The following DNER variants were observed in gnomAD, a reference collection of about 807,000 sequenced individuals.
DNER encodes delta and Notch-like epidermal growth factor-related receptor.
DNER carries 33 observed loss-of-function variants against 78.2 expected under a neutral mutation model. The observed-to-expected ratio is 0.42, with a 90% CI of 0.32 to 0.56. The LOEUF (loss-of-function observed/expected upper bound fraction) is 0.56. Among genes scored for constraint, DNER ranks in the 20% least tolerant of loss-of-function variants. The probability of loss-of-function intolerance (pLI) is 0.11; values close to 1 mark genes in which losing one functional copy is unlikely to be tolerated. For synonymous variants in DNER, 417 were observed against 384.8 expected (o/e 1.08, Z -0.98); for missense variants, 918 against 975.3 (o/e 0.94, Z 0.78).
At chr2:229,404,400 A>T (rs888336340) in intron 10 of DNER, among the ~76,000 whole-genome samples, 2 of 146,266 alleles carry the variant, frequency 1.4e-5, no homozygotes, top group African/African-American at 2.6e-5. Flanking sequence ...CCAGCTACTT[A>T]TAAAACCATC....
intron 5 of DNER, among the ~76,000 whole-genome samples, chr2:229,532,117 T>A (rs1266681507): frequency 6.6e-6 from 1 of 152,202 alleles, no homozygotes; most frequent in East Asian, 1.9e-4. Flanking sequence ...TTAATGCCAT[T>A]GAATAGTTCA....
intron 1 of DNER, among the ~76,000 whole-genome samples, chr2:229,649,648 A>G (rs1398575802): frequency 6.6e-6 from 1 of 152,240 alleles, no homozygotes; most frequent in Non-Finnish European, 1.5e-5. Flanking sequence ...CAATTGAGAT[A>G]CAAGGAGGGT....
intron 5 of DNER, among the ~76,000 whole-genome samples, chr2:229,522,596 CTG>C (rs1162708729): frequency 1.3e-5 from 2 of 152,082 alleles, no homozygotes; most frequent in African/African-American, 4.8e-5. Flanking sequence ...TAGTTATTTC[CTG>C]TGTTATGCCA....
chr2:229,540,910 G>A (rs897228955), intron 5 of DNER, among the ~76,000 whole-genome samples: 5 of 152,236 alleles, frequency 3.3e-5, no homozygotes, highest in African/African-American at 1.2e-4. Flanking sequence ...GGTTTCTAGG[G>A]AGTCTTCTCA....
intron 1 of DNER, among the ~76,000 whole-genome samples, chr2:229,628,394 G>A (rs879455231): frequency 6.6e-6 from 1 of 152,112 alleles, no homozygotes; most frequent in Admixed American, 6.5e-5. Context: ...AAATAAAATG[G>A]CAGTTTCAGA....
chr2:229,439,225 T>C (rs1207535017), intron 8 of DNER, among the ~76,000 whole-genome samples: 1 of 152,226 alleles, frequency 6.6e-6, no homozygotes, highest in Non-Finnish European at 1.5e-5. Context: ...ATGCCCACTA[T>C]GGCCATTTCA....
chr2:229,418,211 A>G lies in DNER; in HGVS notation c.1506T>C (p.Cys502=), dbSNP rs2106349159. The change falls in exon 9 of 13, where the codon TGT becomes TGC. Residue 502 remains cysteine (C), a synonymous_variant. Transcript: ENST00000341772. ...LCDPGYHGLY[C]EEEYNECLSA... ...AGAGGCACTCATTATATTCCTCCTC[A>G]CAGTAGAGGCCATGGTAACCTGAGG... The G allele has an allele frequency of 1.2e-6, 2 of 1,614,000 alleles. No homozygotes were observed. The highest frequency in any genetic ancestry group is 4.5e-5 in the East Asian group (2 of 44,856).
At chr2:229,362,759 C>G (rs762926004) in intron 12 of DNER, among the ~76,000 whole-genome samples, 1 of 152,158 alleles carries the variant, frequency 6.6e-6, no homozygotes, top group Non-Finnish European at 1.5e-5. Flanking sequence ...ATGACAGCAC[C>G]AGTAATATCA....
intron 10 of DNER, 66 bp downstream of exon 10, chr2:229,407,166 T>C: frequency 6.8e-7 from 1 of 1,466,368 alleles, no homozygotes; most frequent in East Asian, 2.3e-5. Context: ...ATTTGGGTTT[T>C]TTTAACATCT....
At chr2:229,413,321 C>CTTTTTTTTTTTTTTTTTTTTTTTT (rs398061160) in intron 9 of DNER, among the ~76,000 whole-genome samples, 6 of 67,774 alleles carry the variant, frequency 8.9e-5, no homozygotes, top group African/African-American at 1.5e-4. Flanking sequence ...TTTTCTTCTT[C>CTTTTTTTTTTTTTTTTTTTTTTTT]TTTTTTTTTT....
intron 11 of DNER, among the ~76,000 whole-genome samples, chr2:229,386,628 A>T (rs1268493413): frequency 6.6e-6 from 1 of 151,998 alleles, no homozygotes; most frequent in Non-Finnish European, 1.5e-5. Context: ...TTTACAAGAA[A>T]AAAAAAACAA....
At position 229,447,637 on chromosome 2, in the gene DNER, A is replaced by C. The variant is rs192959451; in HGVS notation, c.1262-97T>G. Reference sequence around the variant, plus strand: ...GCTCCACTGTATATGCATAACAATTAATTCATTCACAGCTTCCAGATATGT... The same window carrying C: ...GCTCCACTGTATATGCATAACAATTCATTCATTCACAGCTTCCAGATATGT... On this transcript the variant is annotated intron_variant, in intron 7 of 12. Coordinates refer to ENST00000341772, the MANE Select transcript of DNER (RefSeq NM_139072.4). The C allele has an allele frequency of 2.6e-4, 332 of 1,284,206 alleles. No homozygotes were observed. The African/African-American group carries it at 4.4e-3, about 17-fold the overall frequency. The allele number at this position is 1,284,206 out of a possible 1,614,324, so 79.6% of individuals were successfully genotyped here.
chr2:229,466,267 T>A (rs187332086), intron 7 of DNER, among the ~76,000 whole-genome samples: 2 of 152,126 alleles, frequency 1.3e-5, no homozygotes, highest in Non-Finnish European at 2.9e-5. Context: ...CTTCCCTCCA[T>A]CACATTCTGC....
chr2:229,602,216 A>T (rs190857103), intron 1 of DNER, among the ~76,000 whole-genome samples: 16 of 152,292 alleles, frequency 1.1e-4, no homozygotes, highest in Admixed American at 9.8e-4. Context: ...CAAACTGGGA[A>T]TTAAATTTCC....
chr2:229,541,877 ATT>A (rs5839335), intron 5 of DNER, among the ~76,000 whole-genome samples: 17,283 of 146,944 alleles, frequency 0.12, 1,134 homozygotes, highest in African/African-American at 0.16. Flanking sequence ...TTATATTTAT[ATT>A]TATTTATATG....
chr2:229,641,623 A>G (rs1354670667), intron 1 of DNER, among the ~76,000 whole-genome samples: 1 of 151,540 alleles, frequency 6.6e-6, no homozygotes, highest in African/African-American at 2.4e-5. Flanking sequence ...GTAGAGAACT[A>G]CAATGTTGGT....
At chr2:229,394,318 G>A (rs566110722) in intron 10 of DNER, among the ~76,000 whole-genome samples, 220 of 151,900 alleles carry the variant, frequency 1.4e-3, no homozygotes, top group Non-Finnish European at 2.6e-3. Flanking sequence ...GGTCCGAAGG[G>A]TAATGGTGTG....
intron 10 of DNER, among the ~76,000 whole-genome samples, chr2:229,406,829 A>G (rs1234373769): frequency 2.7e-5 from 4 of 150,854 alleles, no homozygotes; most frequent in Non-Finnish European, 1.5e-5. Flanking sequence ...ACACTTTTAT[A>G]TCTTGCAATA....
At chr2:229,409,763 T>A (rs1693467698) in intron 9 of DNER, among the ~76,000 whole-genome samples, 1 of 152,310 alleles carries the variant, frequency 6.6e-6, no homozygotes, top group East Asian at 1.9e-4. Context: ...CAAAAGCTAA[T>A]CTTCACAGAA....
Sources: gnomAD v4.1 joint callset for allele counts (sites outside exome capture counted in the v4.1 genomes callset) on GRCh38, gnomAD v4.1.1 for gene constraint, MANE v1.5 for transcripts, NCBI Gene and HGNC (gene_info 2026-07-23, HGNC 2026-07-21) for gene names.